Variants in CRYBG1 observed in about 807,000 individuals in gnomAD.
CRYBG1 encodes the protein beta/gamma crystallin domain-containing protein 1.
CRYBG1 carries 139 observed loss-of-function variants against 189.2 expected under a neutral mutation model. The ratio of observed to expected loss-of-function variants is 0.73; its 90% CI spans 0.64 to 0.85. CRYBG1 has a LOEUF of 0.85. Ranked by LOEUF, CRYBG1 falls within the 40% of genes least tolerant of loss-of-function variation. The pLI, the probability that CRYBG1 is intolerant of heterozygous loss-of-function variation, is 0.00. For missense variants in CRYBG1, 2,611 were observed against 2,675.8 expected, an observed-to-expected ratio of 0.98 and a Z score of 0.53; for synonymous variants, 1,023 against 1,017.1, an observed-to-expected ratio of 1.01 and a Z score of -0.11.
chr6:106,378,284 T>A (rs912178033), intron 1 of CRYBG1, among the ~76,000 whole-genome samples: 5 of 152,210 alleles, frequency 3.3e-5, no homozygotes, highest in Non-Finnish European at 7.3e-5. Flanking sequence ...CTCTCCAGCT[T>A]CTCAACTTAT....
intron 7 of CRYBG1, 61 bp downstream of exon 7, chr6:106,527,531 A>G: frequency 6.5e-7 from 1 of 1,530,014 alleles, no homozygotes; most frequent in South Asian, 1.2e-5. Flanking sequence ...TCTTACTTTA[A>G]GGGAAATGAT....
chr6:106,514,183 G>C (rs1773365432), intron 3 of CRYBG1, among the ~76,000 whole-genome samples: 1 of 152,194 alleles, frequency 6.6e-6, no homozygotes, highest in Non-Finnish European at 1.5e-5. Context: ...GGACAGGATA[G>C]GGAAGGTACT....
intron 1 of CRYBG1, among the ~76,000 whole-genome samples, chr6:106,433,773 G>A (rs6936663): frequency 0.24 from 8,513 of 34,810 alleles, 887 homozygotes; most frequent in East Asian, 0.46. Flanking sequence ...ATATATATAT[G>A]TATATATATA....
At chr6:106,517,370 A>ATACG (rs1773455295) in intron 3 of CRYBG1, among the ~76,000 whole-genome samples, 1 of 73,312 alleles carries the variant, frequency 1.4e-5, no homozygotes, top group African/African-American at 8.1e-5. Context: ...ACACATATAT[A>ATACG]CACACACACA....
rs776161393 is a variant in CRYBG1, at chr6:106,555,890, T to C, written c.5708T>C (p.Ile1903Thr). 9 of 1,614,192 alleles carry C rather than the reference T, an allele frequency of 5.6e-6. No individual in the cohort carries two copies. Among genetic ancestry groups the C allele is most frequent in the East Asian group, 2.2e-5 (1 of 44,884 alleles). Residue 1903 changes from isoleucine to threonine, a missense_variant, in exon 17 of 22, where the codon ATA becomes ACA. Physicochemically the swap from Ile to Thr is moderately conservative, Grantham distance 89. Around this residue, in one of 3 missense-constraint regions of CRYBG1, gnomAD observed 1,622 missense variants for 1,735.0 expected, o/e 0.93. Coordinates refer to ENST00000633556, the MANE Select transcript of CRYBG1 (RefSeq NM_001371242.2). ...GCAACTTTCAAGTCTCTTCGTTTTA[T>C]AGATGTTGTAAGTATGTCATTGTGA... The part of the protein sequence containing the change: ...PGATFKSLRF[I>T]DVEFSEPTII...
chr6:106,427,366 T>C (rs1250187413), intron 1 of CRYBG1, among the ~76,000 whole-genome samples: 2 of 152,230 alleles, frequency 1.3e-5, no homozygotes, highest in East Asian at 3.8e-4. Context: ...TCCTTCCTGA[T>C]TGTTCCCTAT....
In CRYBG1 at chr6:106,511,195, A is replaced by G. The variant is rs1440324002; in HGVS notation, c.313-235A>G. On this transcript the variant is annotated intron_variant, in intron 2 of 21. Transcript: ENST00000633556. The stretch of plus-strand genomic sequence containing the variant: ...TTTTCCTTTAAAAAACAAGAATTAT[A>G]ATTCAAAGAAAATGCTATTCTGACT... Among the ~76,000 whole-genome samples the G allele has an allele frequency of 2.6e-5, 4 of 152,246 alleles. No individual in the cohort carries two copies. In the South Asian group the frequency reaches 8.3e-4, roughly 31 times the overall value.
intron 8 of CRYBG1, among the ~76,000 whole-genome samples, chr6:106,531,844 C>T (rs955266151): frequency 2.6e-5 from 4 of 152,178 alleles, no homozygotes; most frequent in Admixed American, 6.5e-5. Context: ...AGAAAACAAC[C>T]TTCCTCTCCC....
At position 106,541,593 on chromosome 6, in the gene CRYBG1, G is replaced by A. The variant is rs150219842; in HGVS notation, c.4853G>A (p.Arg1618His). The A allele has an allele frequency of 7.9e-5, 127 of 1,610,930 alleles. No homozygotes were observed. Among genetic ancestry groups the A allele is most frequent in the South Asian group, 2.6e-4 (24 of 90,906 alleles). The change falls in exon 10 of 22, where the codon CGT becomes CAT. Residue 1618 changes from arginine (R) to histidine (H), a missense_variant. By Grantham distance (29) the Arg-to-His change is conservative. Around this residue, in one of 3 missense-constraint regions of CRYBG1, gnomAD observed 1,622 missense variants for 1,735.0 expected, o/e 0.93. Transcript: ENST00000633556. The stretch of plus-strand genomic sequence containing the variant: ...CTATGTTGTTTTTTTCAGGGTGGCC[G>A]TAAAGTTGAATTCCCTACAGATCCA... ...GSMRPLKMGGRKVEFPTDPKV... is the reference protein window; with the variant it reads ...GSMRPLKMGGHKVEFPTDPKV...
intron 1 of CRYBG1, among the ~76,000 whole-genome samples, chr6:106,388,482 T>C (rs983660755): frequency 2.0e-5 from 3 of 152,244 alleles, no homozygotes; most frequent in African/African-American, 7.2e-5. Context: ...TCTAACTTTA[T>C]TATTAGCAAC....
chr6:106,477,781 A>G (rs183988381), intron 2 of CRYBG1, among the ~76,000 whole-genome samples: 2 of 152,198 alleles, frequency 1.3e-5, no homozygotes, highest in African/African-American at 2.4e-5. Flanking sequence ...TTCCTGAATT[A>G]TCTCTCTGTT....
intron 15 of CRYBG1, among the ~76,000 whole-genome samples, chr6:106,552,514 G>A (rs1202345961): frequency 1.5e-5 from 2 of 129,362 alleles, no homozygotes; most frequent in African/African-American, 2.9e-5. Flanking sequence ...TGAACCCCAA[G>A]AGGCAGATGT....
In CRYBG1 at chr6:106,543,694, A is replaced by G. The variant is rs1774193389; in HGVS notation, c.5039+97A>G. The G allele has an allele frequency of 1.8e-5, 24 of 1,315,284 alleles. No homozygotes were observed. In the South Asian group the frequency reaches 2.3e-4, roughly 13 times the overall value. The allele number at this position is 1,315,284 out of a possible 1,614,324, so 81.5% of individuals were successfully genotyped here. ...CCCTAAAAACAACATTCCTGATTCT[A>G]TAGTATGGTGAATTTTGACAGTTAT... On this transcript the variant is annotated intron_variant, in intron 11 of 21. Transcript: ENST00000633556.
At chr6:106,408,683 G>T (rs180895831) in intron 1 of CRYBG1, among the ~76,000 whole-genome samples, 162 of 152,280 alleles carry the variant, frequency 1.1e-3, no homozygotes, top group Non-Finnish European at 1.9e-3. Context: ...GATCAAGTTG[G>T]CTTCATCCCT....
intron 2 of CRYBG1, among the ~76,000 whole-genome samples, chr6:106,472,908 T>TTAA (rs1208297787): frequency 1.3e-4 from 12 of 92,810 alleles, no homozygotes; most frequent in Non-Finnish European, 2.6e-4. Context: ...TGTCTCAAAA[T>TTAA]TAAAAAAAAA....
At chr6:106,443,094 G>A (rs147348585) in intron 1 of CRYBG1, among the ~76,000 whole-genome samples, 1 of 152,298 alleles carries the variant, frequency 6.6e-6, no homozygotes, top group African/African-American at 2.4e-5. Context: ...ACATAATGAA[G>A]TTTAGAAGTA....
intron 2 of CRYBG1, among the ~76,000 whole-genome samples, chr6:106,452,461 T>G (rs1771804276): frequency 6.6e-6 from 1 of 151,694 alleles, no homozygotes; most frequent in Non-Finnish European, 1.5e-5. Flanking sequence ...TAAATGAACT[T>G]GACTCTTTGC....
intron 8 of CRYBG1, 123 bp from the exon 9 acceptor site, chr6:106,539,280 T>C (rs1373087237): frequency 2.7e-6 from 3 of 1,126,310 alleles, no homozygotes; most frequent in Non-Finnish European, 3.8e-6. Context: ...AGTCCAACCA[T>C]TCATTATGTA....
At chr6:106,504,130 A>G (rs1490496271) in intron 2 of CRYBG1, among the ~76,000 whole-genome samples, 2 of 151,688 alleles carry the variant, frequency 1.3e-5, no homozygotes, top group African/African-American at 4.8e-5. Flanking sequence ...TAAAAAAAGA[A>G]AAATAGCATC....
Sources: gnomAD v4.1 joint callset for allele counts (sites outside exome capture counted in the v4.1 genomes callset) on GRCh38, gnomAD v4.1.1 for gene constraint, gnomAD v4.1.1 regional missense constraint, MANE v1.5 for transcripts, NCBI Gene and HGNC (gene_info 2026-07-23, HGNC 2026-07-21) for gene names.